The following DNAL1 variants were observed in gnomAD, a reference collection of about 807,000 sequenced individuals.
DNAL1 encodes chromosome 14 open reading frame 168.
In DNAL1, 17 loss-of-function variants were observed where a neutral mutation model predicts 29.4. The observed-to-expected ratio is 0.58, with a 90% CI of 0.40 to 0.87. The LOEUF (loss-of-function observed/expected upper bound fraction) is 0.87. Ranked by LOEUF, DNAL1 falls within the 40% of genes least tolerant of loss-of-function variation. DNAL1 has a pLI of 0.00. For synonymous variants in DNAL1, 78 were observed against 76.3 expected, an observed-to-expected ratio of 1.02 and a Z score of -0.12; for missense variants, 188 against 214.1, an observed-to-expected ratio of 0.88 and a Z score of 0.76.
At chr14:73,694,478 T>G (rs1892252242) in intron 7 of DNAL1, among the ~76,000 whole-genome samples, 1 of 151,826 alleles carries the variant, frequency 6.6e-6, no homozygotes, top group Non-Finnish European at 1.5e-5. Context: ...CTTCAAATGC[T>G]AAAGCTCAGA....
chr14:73,694,419 G>A (rs1892250549), intron 7 of DNAL1, among the ~76,000 whole-genome samples: 1 of 152,116 alleles, frequency 6.6e-6, no homozygotes, highest in Non-Finnish European at 1.5e-5. Context: ...GGAGTGCAGG[G>A]TAAATGGCTG....
chr14:73,651,321 T>C (rs980126310), intron 1 of DNAL1: 1 of 152,152 alleles, frequency 6.6e-6, no homozygotes, highest in Non-Finnish European at 1.5e-5. Flanking sequence ...CAAATCCATG[T>C]TGAAAAGTAA....
chr14:73,647,574 TC>T (rs1891009613), intron 1 of DNAL1, among the ~76,000 whole-genome samples: 1 of 152,142 alleles, frequency 6.6e-6, no homozygotes, highest in African/African-American at 2.4e-5. Context: ...TTTCCCCAAG[TC>T]CCACCTGCTA....
chr14:73,683,697 TTTATTA>T (rs375902045), intron 5 of DNAL1, among the ~76,000 whole-genome samples: 18 of 150,152 alleles, frequency 1.2e-4, no homozygotes, highest in East Asian at 3.9e-4. Context: ...TATTTATTTA[TTTATTA>T]TTATTATTAT....
intron 1 of DNAL1, among the ~76,000 whole-genome samples, chr14:73,649,286 A>ATT (rs1263000480): frequency 5.2e-5 from 6 of 116,372 alleles, no homozygotes; most frequent in African/African-American, 9.7e-5. Flanking sequence ...TGTGTTTGAC[A>ATT]TTTTTTTTTT....
chr14:73,652,000 T>C (rs1354612216), intron 1 of DNAL1, among the ~76,000 whole-genome samples: 1 of 152,046 alleles, frequency 6.6e-6, no homozygotes, highest in African/African-American at 2.4e-5. Context: ...TATTTCTCTG[T>C]ATTCTCTCTC....
intron 5 of DNAL1, among the ~76,000 whole-genome samples, chr14:73,682,869 AT>A (rs57815202): frequency 0.23 from 22,815 of 101,370 alleles, 2,178 homozygotes; most frequent in African/African-American, 0.39. Context: ...TTTTATAGTT[AT>A]TTTTTTTTTT....
chr14:73,659,071 C>G (rs573177503), intron 3 of DNAL1, 115 bp downstream of exon 3: 1 of 741,574 alleles, frequency 1.3e-6, no homozygotes, highest in Non-Finnish European at 2.0e-6. Flanking sequence ...TTTTTGTTTG[C>G]TTAGTGTAAT....
rs183603363 is a variant in DNAL1, at chr14:73,677,301, A to G, written c.264+5704A>G. Among the ~76,000 whole-genome samples the G allele has an allele frequency of 2.0e-5, 3 of 151,550 alleles. No homozygotes were observed. In the East Asian group the frequency reaches 5.8e-4, roughly 29 times the overall value. On this transcript the variant is annotated intron_variant, in intron 5 of 7. Coordinates refer to ENST00000553645, the MANE Select transcript of DNAL1 (RefSeq NM_031427.4). ...ATTCATATTTTTAACATTTGCCAGTATGATAGGCAAAATGGAGTCTGGTGG... is the reference window on the plus strand; with the variant it reads ...ATTCATATTTTTAACATTTGCCAGTGTGATAGGCAAAATGGAGTCTGGTGG...
chr14:73,662,605 T>G (rs1441505584), intron 4 of DNAL1, among the ~76,000 whole-genome samples: 1 of 152,128 alleles, frequency 6.6e-6, no homozygotes, highest in Non-Finnish European at 1.5e-5. Flanking sequence ...TCTAGCCTCT[T>G]CCAGCTTCTG....
Position 73,654,827 on chromosome 14 carries a change from TC to T in DNAL1, c.4-19del, listed in dbSNP as rs1595201996. On this transcript the variant is annotated intron_variant, in intron 1 of 7. Coordinates refer to ENST00000553645, the MANE Select transcript of DNAL1 (RefSeq NM_031427.4). ...ATACAACTTTGTTTTTTCTTTTCTT[TC>T]TTTTTTTTTTTTTTAAAGGCGAAAG... 6 of 1,507,520 alleles carry T rather than the reference TC, an allele frequency of 4.0e-6. No individual in the cohort carries two copies. In the East Asian group the frequency reaches 1.2e-4, roughly 31 times the overall value. The allele number at this position is 1,507,520 out of a possible 1,614,324, so 93.4% of individuals were successfully genotyped here.
At position 73,686,641 on chromosome 14, in the gene DNAL1, G is replaced by A. The variant is rs140148276; in HGVS notation, c.265-618G>A. 2.9e-3 allele frequency among the ~76,000 whole-genome samples: 442 copies of A among 152,294 alleles called. 3 individuals are homozygous for A. The highest frequency in any genetic ancestry group is 0.024 in the South Asian group (116 of 4,826). Reference sequence around the variant, plus strand: ...GGATTGCTTGAGCCCGGGGGAGGTTGAGGCTGCAGTTAGCTGTGAGTGTGA... The same window carrying A: ...GGATTGCTTGAGCCCGGGGGAGGTTAAGGCTGCAGTTAGCTGTGAGTGTGA... On this transcript the variant is annotated intron_variant, in intron 5 of 7. Transcript: ENST00000553645.
chr14:73,677,764 A>G (rs1201382892), intron 5 of DNAL1, among the ~76,000 whole-genome samples: 2 of 150,666 alleles, frequency 1.3e-5, no homozygotes, highest in South Asian at 2.1e-4. Context: ...TCACCGTGTT[A>G]GCCAGGATGG....
At position 73,654,843 on chromosome 14, in the gene DNAL1, A is replaced by G. The variant is rs576147534; in HGVS notation, c.4-4A>G. 3 of 1,354,010 alleles carry G rather than the reference A, an allele frequency of 2.2e-6. No homozygotes were observed. The South Asian group carries it at 4.8e-5, about 22-fold the overall frequency. 83.9% of individuals were successfully genotyped at this position (1,354,010 alleles called of 1,614,324 possible). ...TCTTTTCTTTCTTTTTTTTTTTTTT[A>G]AAGGCGAAAGCAACAACAATCAAAG... On this transcript the variant is annotated splice_polypyrimidine_tract_variant and splice_region_variant and intron_variant, in intron 1 of 7. Coordinates refer to ENST00000553645, the MANE Select transcript of DNAL1 (RefSeq NM_031427.4).
At position 73,649,011 on chromosome 14, in the gene DNAL1, T is replaced by A. The variant is rs188702389; in HGVS notation, c.3+3969T>A. On this transcript the variant is annotated intron_variant, in intron 1 of 7. Coordinates refer to ENST00000553645, the MANE Select transcript of DNAL1 (RefSeq NM_031427.4). The stretch of plus-strand genomic sequence containing the variant: ...GTTTTTTTGAGACAGAGTCTCACTC[T>A]GTTGCCCAGGCTGGAGTGCAGTGGT... Among the ~76,000 whole-genome samples the A allele has an allele frequency of 7.9e-5, 12 of 152,210 alleles. No individual in the cohort carries two copies. In the East Asian group the frequency reaches 2.1e-3, roughly 27 times the overall value.
chr14:73,696,127 C>A lies in DNAL1; in HGVS notation c.*185C>A. Reference sequence around the variant, plus strand: ...GTGTTTCTCCCCAAAACTGGTAATGCCAACCTTATATATCCTATTTCTCTT... The same window carrying A: ...GTGTTTCTCCCCAAAACTGGTAATGACAACCTTATATATCCTATTTCTCTT... On this transcript the variant is annotated 3_prime_UTR_variant, in exon 8 of 8. Transcript: ENST00000553645. 3.4e-6 allele frequency: 2 copies of A among 584,470 alleles called. No homozygotes were observed. The highest frequency in any genetic ancestry group is 5.7e-6 in the Non-Finnish European group (2 of 348,426). 36.2% of individuals were successfully genotyped at this position (584,470 alleles called of 1,614,324 possible).
At chr14:73,659,328 A>AT (rs1039881317) in intron 3 of DNAL1, among the ~76,000 whole-genome samples, 5 of 151,650 alleles carry the variant, frequency 3.3e-5, no homozygotes, top group Non-Finnish European at 7.4e-5. Context: ...ACGCCCAGCA[A>AT]TTTTTTTGTA....
intron 1 of DNAL1, 52 bp from the exon 2 acceptor site, chr14:73,654,795 T>C: frequency 6.9e-7 from 1 of 1,457,640 alleles, no homozygotes; most frequent in Non-Finnish European, 9.1e-7. Flanking sequence ...CATACATTCA[T>C]ACATACATAC....
At chr14:73,682,866 G>GTTTTT (rs1566889194) in intron 5 of DNAL1, among the ~76,000 whole-genome samples, 1 of 113,820 alleles carries the variant, frequency 8.8e-6, no homozygotes, top group African/African-American at 3.7e-5. Context: ...CTGTTTTATA[G>GTTTTT]TTATTTTTTT....
Sources: gnomAD v4.1 joint callset for allele counts (sites outside exome capture counted in the v4.1 genomes callset) on GRCh38, gnomAD v4.1.1 for gene constraint, MANE v1.5 for transcripts, NCBI Gene and HGNC (gene_info 2026-07-23, HGNC 2026-07-21) for gene names.